Variants in ANKS1B observed in about 807,000 individuals in gnomAD.
ANKS1B encodes the protein ankyrin repeat and sterile alpha motif domain-containing protein 1B.
Under a neutral mutation model 148.3 loss-of-function variants are expected in ANKS1B, and 36 were observed. The ratio of observed to expected loss-of-function variants is 0.24; its 90% CI spans 0.19 to 0.32. The LOEUF is 0.32. Among genes scored for constraint, ANKS1B ranks in the 10% least tolerant of loss-of-function variants. ANKS1B has a pLI of 1.00. For missense variants in ANKS1B, 1,157 were observed against 1,542.6 expected (o/e 0.75, Z 4.19); for synonymous variants, 542 against 560.8 (o/e 0.97, Z 0.47).
intron 17 of ANKS1B, among the ~76,000 whole-genome samples, chr12:98,912,958 T>C (rs934371420): frequency 2.0e-5 from 3 of 152,254 alleles, no homozygotes; most frequent in Non-Finnish European, 1.5e-5. Flanking sequence ...TTATTTGACA[T>C]ATATTATTTG....
At chr12:99,818,129 T>A (rs1358796104) in intron 2 of ANKS1B, among the ~76,000 whole-genome samples, 1 of 151,886 alleles carries the variant, frequency 6.6e-6, no homozygotes, top group Non-Finnish European at 1.5e-5. Flanking sequence ...AAATAATATT[T>A]GGGTAAGACC....
chr12:99,936,973 G>A (rs549173210), intron 1 of ANKS1B, among the ~76,000 whole-genome samples: 19 of 152,154 alleles, frequency 1.2e-4, no homozygotes, highest in Non-Finnish European at 1.5e-4. Flanking sequence ...CAGCTTGCTT[G>A]GGAACCTTCA....
In ANKS1B at chr12:99,834,237, G is replaced by C. The variant is rs942019074; in HGVS notation, c.135-8848C>G. ...TTAACTTAAGCTTGTTTCATAAAAT[G>C]CAAGAGTTTCTAGACACATTTAAGA... is the stretch of plus-strand genomic sequence containing the variant. On this transcript the variant is annotated intron_variant, in intron 1 of 26. Transcript: ENST00000683438. Among the ~76,000 whole-genome samples, 4 of 152,116 alleles carry C rather than the reference G, an allele frequency of 2.6e-5. 1 individual carries two copies. Among genetic ancestry groups the C allele is most frequent in the African/African-American group, 4.8e-5 (2 of 41,420 alleles).
At chr12:99,316,540 T>C (rs1256500449) in intron 12 of ANKS1B, among the ~76,000 whole-genome samples, 3 of 152,144 alleles carry the variant, frequency 2.0e-5, no homozygotes, top group African/African-American at 7.2e-5. Context: ...CTTGTAAATT[T>C]TTAAGTTCTT....
At chr12:99,773,109 G>A (rs374274479) in intron 7 of ANKS1B, 21 bp from the exon 8 acceptor site, 1 of 1,579,904 alleles carries the variant, frequency 6.3e-7, no homozygotes. Flanking sequence ...AATTTTTTCA[G>A]AAGTTTCAAG....
At chr12:99,033,421 A>G (rs73386550) in intron 17 of ANKS1B, among the ~76,000 whole-genome samples, 5,228 of 152,338 alleles carry the variant, frequency 0.034, 314 homozygotes, top group African/African-American at 0.12. Context: ...TTTATACTCC[A>G]GGGTGGTAGA....
chr12:98,979,434 A>C (rs971161124), intron 17 of ANKS1B, among the ~76,000 whole-genome samples: 1 of 147,662 alleles, frequency 6.8e-6, no homozygotes, highest in Admixed American at 6.7e-5. Context: ...TGCCCAGCTA[A>C]TTTTTTTTTT....
At chr12:99,876,739 A>C (rs2092098265) in intron 1 of ANKS1B, among the ~76,000 whole-genome samples, 1 of 149,348 alleles carries the variant, frequency 6.7e-6, no homozygotes, top group South Asian at 2.1e-4. Context: ...CACAAAAAAA[A>C]AAAAAGAGAG....
chr12:99,966,513 GC>G (rs2095486536), intron 1 of ANKS1B, among the ~76,000 whole-genome samples: 1 of 152,160 alleles, frequency 6.6e-6, no homozygotes, highest in Admixed American at 6.5e-5. Context: ...GGAGATGAGA[GC>G]CAAATGCTGA....
chr12:99,804,186 T>C (rs2067308509), intron 4 of ANKS1B, among the ~76,000 whole-genome samples: 1 of 152,170 alleles, frequency 6.6e-6, no homozygotes, highest in Non-Finnish European at 1.5e-5. Context: ...CAATCAAGTT[T>C]AAAAATATTA....
chr12:99,380,487 C>G (rs761372133), intron 12 of ANKS1B, among the ~76,000 whole-genome samples: 5 of 152,052 alleles, frequency 3.3e-5, no homozygotes, highest in Non-Finnish European at 5.9e-5. Context: ...TCAAGAAAGG[C>G]AGGAACTTTG....
At chr12:99,209,928 C>T (rs1384481603) in intron 14 of ANKS1B, among the ~76,000 whole-genome samples, 1 of 152,028 alleles carries the variant, frequency 6.6e-6, no homozygotes, top group Non-Finnish European at 1.5e-5. Flanking sequence ...CCCCTCTGAC[C>T]AGAGACATTC....
intron 1 of ANKS1B, among the ~76,000 whole-genome samples, chr12:99,837,232 T>C (rs1411019091): frequency 6.6e-6 from 1 of 152,146 alleles, no homozygotes; most frequent in East Asian, 1.9e-4. Context: ...AAAACAGATT[T>C]TCCTAGAGCC....
intron 12 of ANKS1B, among the ~76,000 whole-genome samples, chr12:99,347,324 T>C (rs2090839201): frequency 6.6e-6 from 1 of 151,968 alleles, no homozygotes; most frequent in Non-Finnish European, 1.5e-5. Flanking sequence ...GTAAGGGCTT[T>C]GAGAAGCTTC....
chr12:99,718,378 C>T (rs925608676), intron 8 of ANKS1B, among the ~76,000 whole-genome samples: 5 of 152,198 alleles, frequency 3.3e-5, no homozygotes, highest in Non-Finnish European at 5.9e-5. Flanking sequence ...TGTATCCCCC[C>T]ACCTTAACCC....
At chr12:99,593,609 C>T (rs1349457623) in intron 9 of ANKS1B, among the ~76,000 whole-genome samples, 3 of 151,930 alleles carry the variant, frequency 2.0e-5, no homozygotes, top group African/African-American at 7.3e-5. Flanking sequence ...ACAAATGATC[C>T]TTAATTAAAA....
chr12:99,481,638 C>T (rs986279689), intron 10 of ANKS1B, among the ~76,000 whole-genome samples: 1 of 151,988 alleles, frequency 6.6e-6, no homozygotes, highest in Non-Finnish European at 1.5e-5. Context: ...AAAGGTTGTA[C>T]TAATTTACAT....
chr12:99,771,080 G>A lies in ANKS1B; in HGVS notation c.1128+1842C>T, dbSNP rs138526749. 7.7e-4 allele frequency among the ~76,000 whole-genome samples: 117 copies of A among 152,040 alleles called. 1 individual carries two copies. The Middle Eastern group carries it at 0.01, about 13-fold the overall frequency. ...TCTCTCAAAGTCAAAAGCCTTTGCC[G>A]TAACTTCCTGAAAGATAGAAGCTTG... is the stretch of plus-strand genomic sequence containing the variant. On this transcript the variant is annotated intron_variant, in intron 8 of 26. Transcript: ENST00000683438.
intron 19 of ANKS1B, among the ~76,000 whole-genome samples, chr12:98,819,002 TC>T (rs2099163869): frequency 2.0e-5 from 3 of 152,230 alleles, no homozygotes. Context: ...AGTTTTTTTT[TC>T]AATTCTACTT....
Sources: gnomAD v4.1 joint callset for allele counts (sites outside exome capture counted in the v4.1 genomes callset) on GRCh38, gnomAD v4.1.1 for gene constraint, MANE v1.5 for transcripts, NCBI Gene and HGNC (gene_info 2026-07-23, HGNC 2026-07-21) for gene names.